Variants in RB1CC1 observed in about 807,000 individuals in gnomAD.
RB1CC1 encodes RB1 inducible coiled-coil 1.
Under a neutral mutation model 177.5 loss-of-function variants are expected in RB1CC1, and 46 were observed. The ratio of observed to expected loss-of-function variants is 0.26; its 90% confidence interval spans 0.20 to 0.33. RB1CC1 has a LOEUF of 0.33. Among genes scored for constraint, RB1CC1 ranks in the 10% least tolerant of loss-of-function variants. The pLI is 1.00. For synonymous variants in RB1CC1, 666 were observed against 613.6 expected, an observed-to-expected ratio of 1.09 and a Z score of -1.26; for missense variants, 1,703 against 1,816.3, an observed-to-expected ratio of 0.94 and a Z score of 1.13.
chr8:52,686,132 G>A (rs1288799795), intron 2 of RB1CC1: 3 of 152,170 alleles, frequency 2.0e-5, no homozygotes, highest in Non-Finnish European at 4.4e-5. Context: ...CCATCACTTT[G>A]TGTAACAGTA....
chr8:52,672,369 G>A (rs184683798), intron 7 of RB1CC1, among the ~76,000 whole-genome samples: 1 of 152,200 alleles, frequency 6.6e-6, no homozygotes, highest in East Asian at 1.9e-4. Flanking sequence ...ATTTCACACT[G>A]AACATGGAAA....
intron 15 of RB1CC1, among the ~76,000 whole-genome samples, chr8:52,648,222 T>A (rs1257623186): frequency 6.6e-6 from 1 of 152,160 alleles, no homozygotes; most frequent in African/African-American, 2.4e-5. Context: ...AAGCAAAGAT[T>A]GCACAGGTTA....
At chr8:52,654,008 T>C (rs755058523) in intron 15 of RB1CC1, among the ~76,000 whole-genome samples, 4 of 152,176 alleles carry the variant, frequency 2.6e-5, no homozygotes, top group Non-Finnish European at 4.4e-5. Context: ...CCTAAAACTC[T>C]CACTTCACGA....
chr8:52,713,596 G>A (rs1272137921), intron 1 of RB1CC1, among the ~76,000 whole-genome samples: 1 of 152,162 alleles, frequency 6.6e-6, no homozygotes, highest in African/African-American at 2.4e-5. Context: ...TTCGGCCTCG[G>A]CCAAACTCCA....
In RB1CC1 at chr8:52,699,858, T is replaced by TATATATATATATATATATATAC. The variant is rs756226534; in HGVS notation, c.-166-12892_-166-12891insGTATATATATATATATATATAT. Among the ~76,000 whole-genome samples the TATATATATATATATATATATAC allele has an allele frequency of 3.9e-5, 4 of 102,780 alleles. No homozygotes were observed. The East Asian group carries it at 1.2e-3, about 30-fold the overall frequency. 67.4% of individuals were successfully genotyped at this position (102,780 alleles called of 152,430 possible). On this transcript the variant is annotated intron_variant, in intron 1 of 23. Coordinates refer to ENST00000025008, the MANE Select transcript of RB1CC1 (RefSeq NM_014781.5). ...ATATATATATATATATATATATATA[T>TATATATATATATATATATATAC]ACACACAAAAACAAAAGAAAGCTTA... is the stretch of plus-strand genomic sequence containing the variant.
chr8:52,708,382 T>C (rs1190838239), intron 1 of RB1CC1, among the ~76,000 whole-genome samples: 1 of 152,122 alleles, frequency 6.6e-6, no homozygotes, highest in Non-Finnish European at 1.5e-5. Context: ...CCGGGCATGG[T>C]GGCGGATGCC....
chr8:52,655,081 C>G (rs1179644265), intron 15 of RB1CC1, among the ~76,000 whole-genome samples: 1 of 152,148 alleles, frequency 6.6e-6, no homozygotes, highest in East Asian at 1.9e-4. Flanking sequence ...TGTTAACCTT[C>G]TCTCATCCAG....
intron 1 of RB1CC1, among the ~76,000 whole-genome samples, chr8:52,708,762 G>T (rs1856810348): frequency 6.6e-6 from 1 of 152,138 alleles, no homozygotes; most frequent in Non-Finnish European, 1.5e-5. Flanking sequence ...AAATGAAGGG[G>T]AGAAGAGAGC....
intron 8 of RB1CC1, among the ~76,000 whole-genome samples, chr8:52,665,041 T>A (rs1308910336): frequency 1.3e-5 from 2 of 152,130 alleles, no homozygotes; most frequent in Non-Finnish European, 2.9e-5. Context: ...TTGAAAGCCC[T>A]AGTTTATTCA....
At chr8:52,651,191 C>T (rs145428332) in intron 15 of RB1CC1, among the ~76,000 whole-genome samples, 254 of 152,276 alleles carry the variant, frequency 1.7e-3, no homozygotes, top group Non-Finnish European at 3.3e-3. Context: ...ACCACAGATT[C>T]CAGACTCAAT....
chr8:52,708,448 C>G (rs916789660), intron 1 of RB1CC1, among the ~76,000 whole-genome samples: 8 of 152,080 alleles, frequency 5.3e-5, no homozygotes, highest in Admixed American at 3.9e-4. Context: ...ACCCAGGAGG[C>G]GGAGCTTGCA....
intron 8 of RB1CC1, among the ~76,000 whole-genome samples, chr8:52,667,523 G>A (rs1218224064): frequency 4.6e-5 from 7 of 152,078 alleles, no homozygotes; most frequent in South Asian, 2.1e-4. Flanking sequence ...GCTTAGAAAC[G>A]TCCACATTTA....
chr8:52,623,563 AC>A lies in RB1CC1; in HGVS notation c.*218del, dbSNP rs1043557278. ...TAGAGTTGTCTGGGTAAAAAAAAAA[AC>A]CAAAAAACAAAAACCATTTTAATTC... On this transcript the variant is annotated 3_prime_UTR_variant, in exon 24 of 24. Coordinates refer to ENST00000025008, the MANE Select transcript of RB1CC1 (RefSeq NM_014781.5). The A allele has an allele frequency of 5.5e-6, 3 of 547,216 alleles. No individual in the cohort carries two copies. Among genetic ancestry groups the A allele is most frequent in the Non-Finnish European group, 1.0e-5 (3 of 297,378 alleles). 33.9% of individuals were successfully genotyped at this position (547,216 alleles called of 1,614,324 possible). A position where few individuals can be genotyped will look rare whatever the true frequency, so the allele number is the denominator to read the frequency against.
At position 52,657,885 on chromosome 8, in the gene RB1CC1, T is replaced by C. The variant is rs2150483324; in HGVS notation, c.1944A>G (p.Pro648=). 1 of 1,613,714 alleles carries C rather than the reference T, an allele frequency of 6.2e-7. No individual in the cohort carries two copies. Among genetic ancestry groups the C allele is most frequent in the Admixed American group, 1.7e-5 (1 of 59,984 alleles). ...CCATCCTTGGTGAAGAAGCAGACTG[T>C]GGGGATGTCTGACTCACAGATGCCT... ...EQKASVSQTS[P]QSASSPRMES... is the part of the protein sequence containing the mutation. Residue 648 remains proline (P), a synonymous_variant, in exon 15 of 24, where the codon CCA becomes CCG. Transcript: ENST00000025008.
chr8:52,644,064 C>T (rs1047770305), intron 16 of RB1CC1, among the ~76,000 whole-genome samples: 1 of 151,896 alleles, frequency 6.6e-6, no homozygotes, highest in Non-Finnish European at 1.5e-5. Flanking sequence ...AAAATAAACA[C>T]AAAAACATAT....
At chr8:52,664,593 G>C (rs1439133736) in intron 8 of RB1CC1, among the ~76,000 whole-genome samples, 1 of 152,114 alleles carries the variant, frequency 6.6e-6, no homozygotes, top group Non-Finnish European at 1.5e-5. Flanking sequence ...TGCTCTATGA[G>C]CACAAGACAA....
At position 52,623,676 on chromosome 8, in the gene RB1CC1, C is replaced by T. The variant is rs1277072577; in HGVS notation, c.*106G>A. On this transcript the variant is annotated 3_prime_UTR_variant, in exon 24 of 24. Coordinates refer to ENST00000025008, the MANE Select transcript of RB1CC1 (RefSeq NM_014781.5). ...TACACCAGTGAAGTATATTGTCACG[C>T]TGACTTTTGCATAAAAAGATGGCCT... The T allele has an allele frequency of 1.3e-6, 1 of 783,164 alleles. No homozygotes were observed. The highest frequency in any genetic ancestry group is 2.2e-6 in the Non-Finnish European group (1 of 445,746). The allele number at this position is 783,164 out of a possible 1,614,324, so 48.5% of individuals were successfully genotyped here.
At chr8:52,682,775 T>A (rs755295247) in intron 5 of RB1CC1, among the ~76,000 whole-genome samples, 4 of 152,162 alleles carry the variant, frequency 2.6e-5, no homozygotes, top group Non-Finnish European at 5.9e-5. Flanking sequence ...AATTTTGTCC[T>A]CTCAAAGCAC....
In RB1CC1 at chr8:52,656,766, G is replaced by A; in HGVS notation, c.3063C>T (p.Asn1021=). Residue 1021 remains asparagine, a synonymous_variant, in exon 15 of 24, where the codon AAC becomes AAT. Coordinates refer to ENST00000025008, the MANE Select transcript of RB1CC1 (RefSeq NM_014781.5). ...RVSLEELKKE[N]QQIINQIQES... ...CTTGTATTTGATTAATTATTTGTTGGTTTTCCTTTTTTAATTCCTCCAAAG... is the reference window on the plus strand; with the variant it reads ...CTTGTATTTGATTAATTATTTGTTGATTTTCCTTTTTTAATTCCTCCAAAG... 2 of 1,613,698 alleles carry A rather than the reference G, an allele frequency of 1.2e-6. No individual in the cohort carries two copies. The highest frequency in any genetic ancestry group is 2.2e-5 in the South Asian group (2 of 91,042).
Sources: gnomAD v4.1 joint callset for allele counts (sites outside exome capture counted in the v4.1 genomes callset) on GRCh38, gnomAD v4.1.1 for gene constraint, MANE v1.5 for transcripts, NCBI Gene and HGNC (gene_info 2026-07-23, HGNC 2026-07-21) for gene names.